The following MAN1A1 variants were observed in gnomAD, a reference collection of about 807,000 sequenced individuals.
MAN1A1 encodes the protein mannosyl-oligosaccharide 1,2-alpha-mannosidase IA.
Under a neutral mutation model 70.8 loss-of-function variants are expected in MAN1A1, and 29 were observed. The ratio of observed to expected loss-of-function variants is 0.41; its 90% CI spans 0.31 to 0.56. The LOEUF (loss-of-function observed/expected upper bound fraction) is 0.56. Among genes scored for constraint, MAN1A1 ranks in the 20% least tolerant of loss-of-function variants. The pLI, the probability that MAN1A1 is intolerant of heterozygous loss-of-function variation, is 0.29. For synonymous variants in MAN1A1, 349 were observed against 330.1 expected, an observed-to-expected ratio of 1.06 and a Z score of -0.62; for missense variants, 747 against 841.3, an observed-to-expected ratio of 0.89 and a Z score of 1.39.
intron 5 of MAN1A1, among the ~76,000 whole-genome samples, chr6:119,279,853 A>C (rs963574986): frequency 5.3e-5 from 8 of 152,200 alleles, no homozygotes; most frequent in African/African-American, 1.9e-4. Flanking sequence ...TCAATCAAAA[A>C]CAATTTGGAT....
intron 5 of MAN1A1, among the ~76,000 whole-genome samples, chr6:119,287,420 T>C (rs1276481298): frequency 4.6e-5 from 7 of 152,292 alleles, no homozygotes; most frequent in Admixed American, 4.6e-4. Flanking sequence ...TCTCTTGCAA[T>C]GTCATATTTT....
In MAN1A1 at chr6:119,178,758, C is replaced by G. The variant is rs1582669876; in HGVS notation, c.*1061G>C. The G allele has an allele frequency of 1.3e-5, 2 of 152,042 alleles. No homozygotes were observed. Among genetic ancestry groups the G allele is most frequent in the East Asian group, 3.8e-4 (2 of 5,198 alleles). The allele number at this position is 152,042 out of a possible 1,614,324, so 9.4% of individuals were successfully genotyped here. A position where few individuals can be genotyped will look rare whatever the true frequency, so the allele number is the denominator to read the frequency against. ...TCACGAATAAGTAAAATTGGCAAAG[C>G]TTCTTTCAGAGTCAAATCCTGCTTT... On this transcript the variant is annotated 3_prime_UTR_variant, in exon 13 of 13. Coordinates refer to ENST00000368468, the MANE Select transcript of MAN1A1 (RefSeq NM_005907.4).
At chr6:119,274,344 G>C (rs927702708) in intron 5 of MAN1A1, among the ~76,000 whole-genome samples, 4 of 152,092 alleles carry the variant, frequency 2.6e-5, no homozygotes, top group Non-Finnish European at 5.9e-5. Context: ...TCACAGTCTA[G>C]AGAAATTCAT....
chr6:119,203,429 G>A (rs1292551454), intron 7 of MAN1A1, among the ~76,000 whole-genome samples: 1 of 152,098 alleles, frequency 6.6e-6, no homozygotes, highest in Non-Finnish European at 1.5e-5. Flanking sequence ...AGACAAAGGG[G>A]AGAATGTCAG....
intron 4 of MAN1A1, among the ~76,000 whole-genome samples, chr6:119,297,398 T>A (rs1582780274): frequency 1.3e-5 from 2 of 152,322 alleles, no homozygotes; most frequent in South Asian, 4.1e-4. Flanking sequence ...CAAATCACTA[T>A]TGAACAATAA....
intron 7 of MAN1A1, 64 bp downstream of exon 7, chr6:119,204,695 T>C (rs1414364123): frequency 6.3e-7 from 1 of 1,581,836 alleles, no homozygotes; most frequent in Non-Finnish European, 8.6e-7. Context: ...CTAAACCTTC[T>C]CAGAGACAAT....
intron 6 of MAN1A1, among the ~76,000 whole-genome samples, chr6:119,229,217 A>G (rs918244038): frequency 0.025 from 155 of 6,300 alleles, 1 homozygote; most frequent in Non-Finnish European, 0.039. Flanking sequence ...TCTGAGACAA[A>G]AAAAAAAAAA....
intron 2 of MAN1A1, among the ~76,000 whole-genome samples, chr6:119,328,376 T>C (rs117515142): frequency 0.027 from 4,151 of 152,312 alleles, 86 homozygotes; most frequent in Non-Finnish European, 0.045. Flanking sequence ...GTAGGCATTA[T>C]CATCACTCTC....
rs140778713 is a variant in MAN1A1 at position 119,317,883 on chromosome 6, T to TAA, written c.604-10893_604-10892dup. Among the ~76,000 whole-genome samples the TAA allele has an allele frequency of 1.8e-4, 26 of 144,786 alleles. No homozygotes were observed. The South Asian group carries it at 2.0e-3, about 11-fold the overall frequency. 95.0% of individuals were successfully genotyped at this position (144,786 alleles called of 152,430 possible). On this transcript the variant is annotated intron_variant, in intron 2 of 12. Coordinates refer to ENST00000368468, the MANE Select transcript of MAN1A1 (RefSeq NM_005907.4). ...ATATTATAGGAAAATTTGTTTTTCC[T>TAA]AAAAAAAAAACAAAAAAAACCTTCT...
In MAN1A1 at chr6:119,276,524, G is replaced by T. The variant is rs567371532; in HGVS notation, c.897+14159C>A. ...GAAGTCTACTATAACTAGTCATTCA[G>T]GGCTCAATTCTAAATTAGTATTATT... On this transcript the variant is annotated intron_variant, in intron 5 of 12. Coordinates refer to ENST00000368468, the MANE Select transcript of MAN1A1 (RefSeq NM_005907.4). 6.6e-5 allele frequency among the ~76,000 whole-genome samples: 10 copies of T among 152,238 alleles called. No homozygotes were observed. In the East Asian group the frequency reaches 1.7e-3, roughly 26 times the overall value.
At chr6:119,195,654 G>C (rs777145117) in intron 8 of MAN1A1, among the ~76,000 whole-genome samples, 1 of 152,116 alleles carries the variant, frequency 6.6e-6, no homozygotes, top group Non-Finnish European at 1.5e-5. Flanking sequence ...GTCCACCCCA[G>C]CCCCTGGAAA....
chr6:119,218,320 T>C (rs1011631385), intron 6 of MAN1A1, among the ~76,000 whole-genome samples: 2 of 152,152 alleles, frequency 1.3e-5, no homozygotes, highest in African/African-American at 4.8e-5. Flanking sequence ...TAAAAGACCC[T>C]GAAAATCTGT....
chr6:119,201,847 A>G (rs1229094057), intron 7 of MAN1A1, among the ~76,000 whole-genome samples: 1 of 152,218 alleles, frequency 6.6e-6, no homozygotes, highest in African/African-American at 2.4e-5. Flanking sequence ...ATGAAAAATG[A>G]TACCTTTCTA....
intron 5 of MAN1A1, among the ~76,000 whole-genome samples, chr6:119,288,875 A>G (rs112254288): frequency 2.0e-5 from 3 of 151,962 alleles, no homozygotes; most frequent in African/African-American, 7.2e-5. Context: ...GAAAACCTAC[A>G]TGTAATAAAA....
chr6:119,215,265 GAAGA>G (rs947181858), intron 6 of MAN1A1, among the ~76,000 whole-genome samples: 93 of 152,124 alleles, frequency 6.1e-4, no homozygotes, highest in African/African-American at 2.2e-3. Flanking sequence ...TAAGGAAAAG[GAAGA>G]AAGAAAATAA....
In MAN1A1 at chr6:119,346,504, G is replaced by A. The variant is rs3798658; in HGVS notation, c.603+1959C>T. On this transcript the variant is annotated intron_variant, in intron 2 of 12. Transcript: ENST00000368468. ...TCCACTGCTTTATGCAAGACTGAGC[G>A]GTTTCAAAACATCTAGGTGCTAAGA... is the stretch of plus-strand genomic sequence containing the variant. Among the ~76,000 whole-genome samples, 51 of 152,252 alleles carry A rather than the reference G, an allele frequency of 3.3e-4. 1 individual carries two copies. In the East Asian group the frequency reaches 8.5e-3, roughly 25 times the overall value.
intron 6 of MAN1A1, among the ~76,000 whole-genome samples, chr6:119,214,773 TGA>T (rs1246033901): frequency 6.6e-6 from 1 of 152,192 alleles, no homozygotes; most frequent in Non-Finnish European, 1.5e-5. Context: ...CCCAAAGTGC[TGA>T]GATTACAGGC....
intron 6 of MAN1A1, among the ~76,000 whole-genome samples, chr6:119,208,289 A>T (rs1773940874): frequency 6.6e-6 from 1 of 152,180 alleles, no homozygotes; most frequent in African/African-American, 2.4e-5. Flanking sequence ...CTTCCATTTT[A>T]AATTGGAGTA....
intron 6 of MAN1A1, 53 bp from the exon 7 acceptor site, chr6:119,204,935 A>ACTAT: frequency 6.3e-7 from 1 of 1,592,286 alleles, no homozygotes; most frequent in Non-Finnish European, 8.6e-7. Context: ...TCCGTTTTTC[A>ACTAT]CTATCTAAAT....
Sources: gnomAD v4.1 joint callset for allele counts (sites outside exome capture counted in the v4.1 genomes callset) on GRCh38, gnomAD v4.1.1 for gene constraint, MANE v1.5 for transcripts, NCBI Gene and HGNC (gene_info 2026-07-23, HGNC 2026-07-21) for gene names.